Variants in ACER3 observed in about 807,000 individuals in gnomAD.
The protein encoded by ACER3 is alkaline ceramidase 3, also known as alkCDase 3.
ACER3 carries 16 observed loss-of-function variants against 48.9 expected under a neutral mutation model. The ratio of observed to expected loss-of-function variants is 0.33; its 90% CI spans 0.22 to 0.50. The LOEUF (loss-of-function observed/expected upper bound fraction) is 0.50. Among genes scored for constraint, ACER3 ranks in the 20% least tolerant of loss-of-function variants. ACER3 has a pLI of 0.98. For missense variants in ACER3, 227 were observed against 326.0 expected, an observed-to-expected ratio of 0.70 and a Z score of 2.34; for synonymous variants, 109 against 107.8, an observed-to-expected ratio of 1.01 and a Z score of -0.07.
chr11:76,934,577 C>T (rs572380408), intron 2 of ACER3, among the ~76,000 whole-genome samples: 17 of 152,324 alleles, frequency 1.1e-4, no homozygotes, highest in African/African-American at 2.2e-4. Flanking sequence ...CGCAGGCACT[C>T]GGCAGGCTAA....
chr11:76,886,148 C>A (rs1945665698), intron 1 of ACER3, among the ~76,000 whole-genome samples: 1 of 152,186 alleles, frequency 6.6e-6, no homozygotes, highest in South Asian at 2.1e-4. Flanking sequence ...TTGGTGGCAT[C>A]TGGCATAAGC....
At chr11:77,004,113 C>T (rs1949086759) in intron 7 of ACER3, among the ~76,000 whole-genome samples, 1 of 152,152 alleles carries the variant, frequency 6.6e-6, no homozygotes, top group South Asian at 2.1e-4. Flanking sequence ...CCCATGACTA[C>T]CCTCAGGTCT....
intron 3 of ACER3, among the ~76,000 whole-genome samples, chr11:76,960,340 C>T (rs756654276): frequency 4.0e-5 from 6 of 151,878 alleles, no homozygotes; most frequent in Admixed American, 2.6e-4. Flanking sequence ...GCCTGGGAGG[C>T]GGAGATCGCA....
intron 1 of ACER3, among the ~76,000 whole-genome samples, chr11:76,863,068 A>G: frequency 6.6e-6 from 1 of 152,104 alleles, no homozygotes. Flanking sequence ...TCCATAAAAA[A>G]TAAAAAAAAT....
chr11:76,976,076 A>G (rs1014496790), intron 3 of ACER3, among the ~76,000 whole-genome samples: 5 of 151,914 alleles, frequency 3.3e-5, no homozygotes, highest in East Asian at 3.9e-4. Flanking sequence ...TTGTAGAGAC[A>G]GGATATTACT....
rs1591080790 is a variant in ACER3 at position 77,023,339 on chromosome 11, A to C, written c.*3012A>C. 2.6e-6 allele frequency: 1 copy of C among 391,856 alleles called. No individual in the cohort carries two copies. The highest frequency in any genetic ancestry group is 1.4e-4 in the South Asian group (1 of 7,372). 24.3% of individuals were successfully genotyped at this position (391,856 alleles called of 1,614,324 possible). A position where few individuals can be genotyped will look rare whatever the true frequency, so the allele number is the denominator to read the frequency against. On this transcript the variant is annotated 3_prime_UTR_variant, in exon 11 of 11. Transcript: ENST00000532485. ...ATAATAAGGAGAAGAGGTGTGGTTC[A>C]AAGAAAATTAAGAGACAAAACCTTC... is the stretch of plus-strand genomic sequence containing the variant.
At chr11:76,910,128 TG>T (rs1946337238) in intron 1 of ACER3, among the ~76,000 whole-genome samples, 1 of 47,886 alleles carries the variant, frequency 2.1e-5, no homozygotes, top group Non-Finnish European at 4.2e-5. Context: ...TGTTGGGGGG[TG>T]GGGGGCAAGG....
chr11:76,936,721 CTTT>C (rs11428910), intron 2 of ACER3, among the ~76,000 whole-genome samples: 1 of 143,310 alleles, frequency 7.0e-6, no homozygotes. Flanking sequence ...TTCTTTCTTT[CTTT>C]TTTTTTTTTT....
intron 9 of ACER3, among the ~76,000 whole-genome samples, chr11:77,017,900 A>T (rs1949400487): frequency 7.3e-6 from 1 of 137,588 alleles, no homozygotes; most frequent in Non-Finnish European, 1.6e-5. Context: ...AAACTTTATT[A>T]TTATTATTAT....
chr11:76,939,767 C>G (rs2134916610), intron 2 of ACER3, among the ~76,000 whole-genome samples: 1 of 152,254 alleles, frequency 6.6e-6, no homozygotes, highest in African/African-American at 2.4e-5. Flanking sequence ...AACAACTGTC[C>G]TGTGTGCTTC....
chr11:76,978,553 C>T (rs971351986), intron 4 of ACER3: 2 of 152,328 alleles, frequency 1.3e-5, no homozygotes, highest in African/African-American at 4.8e-5. Context: ...TGTTCACCCT[C>T]CAGTTGTCCG....
rs376195253 is a variant in ACER3 at position 76,959,809 on chromosome 11, C to T, written c.267+778C>T. ...CCTCAGGTGATCCGCCTGCCTCAGCCTCCCAAAATGCTGAGATTACAAGCA... is the reference window on the plus strand; with the variant it reads ...CCTCAGGTGATCCGCCTGCCTCAGCTTCCCAAAATGCTGAGATTACAAGCA... On this transcript the variant is annotated intron_variant, in intron 3 of 10. Coordinates refer to ENST00000532485, the MANE Select transcript of ACER3 (RefSeq NM_018367.7). Among the ~76,000 whole-genome samples, 398 of 152,232 alleles carry T rather than the reference C, an allele frequency of 2.6e-3. 2 individuals carry two copies. The highest frequency in any genetic ancestry group is 9.1e-3 in the African/African-American group (378 of 41,564).
At chr11:77,019,632 C>T (rs1307487982) in intron 9 of ACER3, 99 bp from the exon 10 acceptor site, 25 of 1,151,614 alleles carry the variant, frequency 2.2e-5, no homozygotes, top group Middle Eastern at 2.0e-4. Context: ...GTTTTTGCTT[C>T]GTACATGCAG....
intron 2 of ACER3, among the ~76,000 whole-genome samples, chr11:76,938,395 T>C (rs1947251633): frequency 6.6e-6 from 1 of 152,206 alleles, no homozygotes; most frequent in African/African-American, 2.4e-5. Flanking sequence ...CACGGCTTAC[T>C]GCGGCCTCAA....
chr11:77,007,151 G>A (rs528475155), intron 7 of ACER3, among the ~76,000 whole-genome samples: 1 of 150,260 alleles, frequency 6.7e-6, no homozygotes, highest in African/African-American at 2.4e-5. Context: ...CACATGTTTT[G>A]AGGTTGGCTC....
At position 76,969,256 on chromosome 11, in the gene ACER3, C is replaced by T. The variant is rs1948226319; in HGVS notation, c.268-7033C>T. Among the ~76,000 whole-genome samples the T allele has an allele frequency of 3.3e-5, 5 of 152,306 alleles. No homozygotes were observed. In the South Asian group the frequency reaches 1.0e-3, roughly 32 times the overall value. On this transcript the variant is annotated intron_variant, in intron 3 of 10. Transcript: ENST00000532485. Reference sequence around the variant, plus strand: ...AAAACCACAATGAGATACCATCTCACACCAGTTAGAATGGTGATCATTAAA... The same window carrying T: ...AAAACCACAATGAGATACCATCTCATACCAGTTAGAATGGTGATCATTAAA...
At chr11:77,007,372 A>G (rs1405521254) in intron 7 of ACER3, among the ~76,000 whole-genome samples, 1 of 152,092 alleles carries the variant, frequency 6.6e-6, no homozygotes, top group Non-Finnish European at 1.5e-5. Flanking sequence ...CCTTAGCACC[A>G]CCTCATTACT....
At chr11:76,999,024 G>A (rs1215521983) in intron 7 of ACER3, among the ~76,000 whole-genome samples, 1 of 152,060 alleles carries the variant, frequency 6.6e-6, no homozygotes, top group African/African-American at 2.4e-5. Context: ...TGAAAACTAG[G>A]GTTCCAAAAT....
chr11:76,948,152 T>A (rs1218666152), intron 2 of ACER3, among the ~76,000 whole-genome samples: 1 of 151,786 alleles, frequency 6.6e-6, no homozygotes, highest in African/African-American at 2.4e-5. Context: ...GATTATAACA[T>A]CTAGTCTCAT....
Sources: allele counts gnomAD v4.1 joint callset (sites outside exome capture counted in the v4.1 genomes callset), GRCh38; gene constraint gnomAD v4.1.1; transcripts MANE v1.5; gene names NCBI Gene and HGNC (gene_info 2026-07-23, HGNC 2026-07-21).